DKK2: variants seen among roughly 807,000 people sequenced by gnomAD.
The protein encoded by DKK2 is dickkopf-related protein 2.
A neutral mutation model predicts 28.1 loss-of-function variants in DKK2; 11 were observed. The observed-to-expected ratio is 0.39, with a 90% CI of 0.25 to 0.65. The LOEUF (loss-of-function observed/expected upper bound fraction) is 0.65. Ranked by LOEUF, DKK2 falls within the 30% of genes least tolerant of loss-of-function variation. DKK2 has a pLI of 0.47. For synonymous variants in DKK2, 135 were observed against 126.5 expected, an observed-to-expected ratio of 1.07 and a Z score of -0.45; for missense variants, 326 against 335.5, an observed-to-expected ratio of 0.97 and a Z score of 0.22.
In DKK2 at chr4:106,940,880, T is replaced by G. The variant is rs536028079; in HGVS notation, c.223-14931A>C. Among the ~76,000 whole-genome samples the G allele has an allele frequency of 7.0e-4, 106 of 152,158 alleles. 1 individual carries two copies. The highest frequency in any genetic ancestry group is 3.4e-3 in the Middle Eastern group (1 of 294). On this transcript the variant is annotated intron_variant, in intron 1 of 3. Coordinates refer to ENST00000285311, the MANE Select transcript of DKK2 (RefSeq NM_014421.3). ...AAGAACAAAAACCAAACACCGCATA[T>G]TCTCACTCATAGGTGGGAATTGAAC... is the stretch of plus-strand genomic sequence containing the variant.
At chr4:106,983,349 A>AAAG (rs1723061020) in intron 1 of DKK2, among the ~76,000 whole-genome samples, 1 of 139,440 alleles carries the variant, frequency 7.2e-6, no homozygotes. Flanking sequence ...AGAAAGAAAG[A>AAAG]AAGAAAGAAA....
chr4:106,934,846 A>G (rs566983897), intron 1 of DKK2, among the ~76,000 whole-genome samples: 13 of 152,322 alleles, frequency 8.5e-5, no homozygotes, highest in Middle Eastern at 3.4e-3. Flanking sequence ...TCTAATTTCC[A>G]TTTTAAAAGA....
chr4:106,979,728 A>G (rs777259531), intron 1 of DKK2, among the ~76,000 whole-genome samples: 1 of 152,218 alleles, frequency 6.6e-6, no homozygotes, highest in Non-Finnish European at 1.5e-5. Context: ...CTGAGTGTGT[A>G]ACACACATGC....
intron 1 of DKK2, among the ~76,000 whole-genome samples, chr4:106,977,169 A>T (rs1374048430): frequency 6.6e-6 from 1 of 152,142 alleles, no homozygotes; most frequent in Non-Finnish European, 1.5e-5. Flanking sequence ...GCTGCCCTTA[A>T]CATTTTTTCC....
intron 1 of DKK2, among the ~76,000 whole-genome samples, chr4:106,929,351 A>T (rs1560573784): frequency 6.6e-6 from 1 of 152,190 alleles, no homozygotes. Flanking sequence ...ACTGGAAATC[A>T]AGTGAAAGAA....
At chr4:106,983,316 A>G (rs1723054984) in intron 1 of DKK2, among the ~76,000 whole-genome samples, 2 of 110,350 alleles carry the variant, frequency 1.8e-5, no homozygotes, top group African/African-American at 8.2e-5. Context: ...GAAGAAAGAA[A>G]GAAGAAAGAA....
At chr4:107,030,579 A>G (rs1723861893) in intron 1 of DKK2, among the ~76,000 whole-genome samples, 1 of 152,034 alleles carries the variant, frequency 6.6e-6, no homozygotes, top group Admixed American at 6.6e-5. Context: ...AAGTGAGCAC[A>G]AGTGACTAGA....
chr4:106,928,782 G>T (rs1724459229), intron 1 of DKK2, among the ~76,000 whole-genome samples: 2 of 152,112 alleles, frequency 1.3e-5, no homozygotes. Context: ...TAAGCATAAT[G>T]CATTTTATTT....
chr4:106,923,873 T>A lies in DKK2; in HGVS notation c.*81A>T. On this transcript the variant is annotated 3_prime_UTR_variant, in exon 4 of 4. Transcript: ENST00000285311. ...CTTATTTTAGCCATTCTTCTGCATC[T>A]GAACCTTATTTTCCACCATGCTATA... 6.4e-7 allele frequency: 1 copy of A among 1,556,190 alleles called. No homozygotes were observed. Among genetic ancestry groups the A allele is most frequent in the Non-Finnish European group, 8.7e-7 (1 of 1,144,334 alleles).
chr4:106,959,814 T>C (rs2110349924), intron 1 of DKK2, among the ~76,000 whole-genome samples: 1 of 152,162 alleles, frequency 6.6e-6, no homozygotes, highest in Non-Finnish European at 1.5e-5. Flanking sequence ...TTGGGGTGTA[T>C]AAATACTCAA....
chr4:106,977,358 C>T (rs1375960697), intron 1 of DKK2, among the ~76,000 whole-genome samples: 3 of 152,122 alleles, frequency 2.0e-5, no homozygotes, highest in East Asian at 3.9e-4. Flanking sequence ...CCATTCTCCC[C>T]GTTACTTTCA....
At chr4:106,976,560 ACC>A (rs1722948776) in intron 1 of DKK2, among the ~76,000 whole-genome samples, 2 of 151,612 alleles carry the variant, frequency 1.3e-5, no homozygotes. Context: ...TAGGATTGCA[ACC>A]TCTGCTTTTT....
chr4:107,033,057 G>A (rs1325684898), intron 1 of DKK2, among the ~76,000 whole-genome samples: 2 of 151,700 alleles, frequency 1.3e-5, no homozygotes, highest in African/African-American at 2.4e-5. Flanking sequence ...TTTACTATTT[G>A]TTTCTTCATA....
At chr4:106,942,641 T>G (rs553406653) in intron 1 of DKK2, among the ~76,000 whole-genome samples, 1 of 152,194 alleles carries the variant, frequency 6.6e-6, no homozygotes, top group Non-Finnish European at 1.5e-5. Flanking sequence ...ACATAACACA[T>G]AATTTGAGTG....
At chr4:107,005,114 G>A (rs576409076) in intron 1 of DKK2, among the ~76,000 whole-genome samples, 1 of 152,130 alleles carries the variant, frequency 6.6e-6, no homozygotes, top group South Asian at 2.1e-4. Context: ...AGCCCGAGGC[G>A]GGCGTGTCAC....
At chr4:106,976,052 G>A (rs568317851) in intron 1 of DKK2, among the ~76,000 whole-genome samples, 8 of 152,308 alleles carry the variant, frequency 5.3e-5, no homozygotes, top group Admixed American at 4.6e-4. Flanking sequence ...GTGCGGTTTT[G>A]AGTGAGTTTC....
At chr4:107,029,968 T>C (rs1461337756) in intron 1 of DKK2, among the ~76,000 whole-genome samples, 2 of 152,134 alleles carry the variant, frequency 1.3e-5, no homozygotes, top group Non-Finnish European at 2.9e-5. Context: ...TCTGAATTTA[T>C]ATTTAAAGCA....
At chr4:106,945,905 C>T (rs1005246273) in intron 1 of DKK2, among the ~76,000 whole-genome samples, 4 of 152,128 alleles carry the variant, frequency 2.6e-5, no homozygotes, top group African/African-American at 9.7e-5. Context: ...TAACCACAGC[C>T]AGCCATGGAT....
At chr4:106,960,448 T>G (rs1442099419) in intron 1 of DKK2, among the ~76,000 whole-genome samples, 1 of 151,972 alleles carries the variant, frequency 6.6e-6, no homozygotes, top group Non-Finnish European at 1.5e-5. Context: ...GACTAAAAGA[T>G]GAAAAACTAA....
Sources: gnomAD v4.1 joint callset for allele counts (sites outside exome capture counted in the v4.1 genomes callset) on GRCh38, gnomAD v4.1.1 for gene constraint, MANE v1.5 for transcripts, NCBI Gene and HGNC (gene_info 2026-07-23, HGNC 2026-07-21) for gene names.